The following ASIC2 variants were observed in gnomAD, a reference collection of about 807,000 sequenced individuals.
ASIC2 encodes acid sensing ion channel subunit 2.
ASIC2 carries 25 observed loss-of-function variants against 57.3 expected under a neutral mutation model. The observed-to-expected ratio is 0.44, with a 90% CI of 0.32 to 0.61. ASIC2 has a LOEUF of 0.61. ASIC2 is among the 20% of genes least tolerant of loss of function. ASIC2 has a pLI of 0.06. For missense variants in ASIC2, 641 were observed against 738.1 expected, an observed-to-expected ratio of 0.87 and a Z score of 1.52; for synonymous variants, 319 against 307.5, an observed-to-expected ratio of 1.04 and a Z score of -0.39.
intron 1 of ASIC2, among the ~76,000 whole-genome samples, chr17:33,520,028 A>G (rs576824363): frequency 3.3e-5 from 5 of 152,336 alleles, no homozygotes; most frequent in African/African-American, 1.2e-4. Context: ...TTAAACATTC[A>G]TGTGTTAATT....
intron 1 of ASIC2, among the ~76,000 whole-genome samples, chr17:33,568,266 A>G (rs895413176): frequency 3.9e-5 from 6 of 152,198 alleles, no homozygotes; most frequent in Non-Finnish European, 1.5e-5. Flanking sequence ...TGTCAAATTG[A>G]CCAATCAATC....
chr17:33,912,220 G>A (rs1006286236), intron 1 of ASIC2, among the ~76,000 whole-genome samples: 3 of 150,044 alleles, frequency 2.0e-5, no homozygotes, highest in Admixed American at 6.7e-5. Context: ...CTGGCAGGAT[G>A]TGGTGGCTCA....
chr17:33,458,438 G>C (rs1314884123), intron 1 of ASIC2, among the ~76,000 whole-genome samples: 1 of 151,634 alleles, frequency 6.6e-6, no homozygotes, highest in Non-Finnish European at 1.5e-5. Flanking sequence ...TGTTTGACTG[G>C]GGAGCCAGGA....
intron 1 of ASIC2, among the ~76,000 whole-genome samples, chr17:33,989,545 G>A (rs534136361): frequency 6.2e-4 from 94 of 152,240 alleles, no homozygotes; most frequent in Admixed American, 1.6e-3. Flanking sequence ...TGGTAGGCAC[G>A]CCTTGGTCCC....
chr17:33,038,847 A>C (rs2091919681), intron 3 of ASIC2, among the ~76,000 whole-genome samples: 1 of 150,904 alleles, frequency 6.6e-6, no homozygotes, highest in South Asian at 2.1e-4. Flanking sequence ...ATCCTAAGGC[A>C]CACCAGTAGG....
At position 34,017,693 on chromosome 17, in the gene ASIC2, G is replaced by A. The variant is rs75350565; in HGVS notation, c.555+138285C>T. Among the ~76,000 whole-genome samples, 891 of 152,312 alleles carry A rather than the reference G, an allele frequency of 5.8e-3. 11 individuals carry two copies. The highest frequency in any genetic ancestry group is 0.02 in the African/African-American group (825 of 41,560). ...TGTTGCTGATATTCAGAAAGTTTTG[G>A]TGGTCTGGATAGAAAATCAAACCAG... On this transcript the variant is annotated intron_variant, in intron 1 of 9. Coordinates refer to the ASIC2 transcript ENST00000359872.
At chr17:33,915,172 C>T (rs938238935) in intron 1 of ASIC2, among the ~76,000 whole-genome samples, 1 of 152,156 alleles carries the variant, frequency 6.6e-6, no homozygotes, top group African/African-American at 2.4e-5. Context: ...GGTGACAAGA[C>T]CAATAATCCA....
intron 1 of ASIC2, among the ~76,000 whole-genome samples, chr17:33,968,760 C>T (rs1468150119): frequency 2.0e-5 from 3 of 152,134 alleles, no homozygotes; most frequent in African/African-American, 7.2e-5. Context: ...CAGGAAACCC[C>T]AATCATCAAA....
chr17:33,549,133 G>A (rs928548867), intron 1 of ASIC2, among the ~76,000 whole-genome samples: 2 of 152,088 alleles, frequency 1.3e-5, no homozygotes, highest in African/African-American at 4.8e-5. Flanking sequence ...CTAGAACAGT[G>A]CCCGGGACAT....
At chr17:33,841,428 T>C (rs1257293693) in intron 1 of ASIC2, among the ~76,000 whole-genome samples, 1 of 152,242 alleles carries the variant, frequency 6.6e-6, no homozygotes. Context: ...CTGGAGGCTA[T>C]TAGCCACCTG....
chr17:33,582,014 A>G (rs1424353606), intron 1 of ASIC2, among the ~76,000 whole-genome samples: 2 of 152,150 alleles, frequency 1.3e-5, no homozygotes, highest in African/African-American at 4.8e-5. Flanking sequence ...TTTTTCCTGG[A>G]TTCAGCACCA....
chr17:33,560,458 A>G (rs772645911), intron 1 of ASIC2, among the ~76,000 whole-genome samples: 2 of 152,230 alleles, frequency 1.3e-5, no homozygotes, highest in Non-Finnish European at 2.9e-5. Context: ...GATAAGGAAA[A>G]TTGGCATTTA....
chr17:33,974,372 G>GTGTA (rs377134282), intron 1 of ASIC2, among the ~76,000 whole-genome samples: 5 of 152,254 alleles, frequency 3.3e-5, no homozygotes, highest in African/African-American at 9.6e-5. Context: ...GCTTATGTGT[G>GTGTA]TGTATGTATG....
chr17:33,449,180 G>GTCCC, intron 1 of ASIC2, among the ~76,000 whole-genome samples: 1 of 152,302 alleles, frequency 6.6e-6, no homozygotes, highest in East Asian at 1.9e-4. Flanking sequence ...AACTATCACT[G>GTCCC]TATCTATGTC....
intron 1 of ASIC2, among the ~76,000 whole-genome samples, chr17:33,600,017 C>T (rs560238610): frequency 6.6e-6 from 1 of 152,288 alleles, no homozygotes; most frequent in African/African-American, 2.4e-5. Flanking sequence ...TTCACTGCTG[C>T]CATCTTGTCC....
intron 1 of ASIC2, chr17:34,038,056 C>T (rs1051572287): frequency 5.0e-6 from 8 of 1,613,230 alleles, no homozygotes; most frequent in Admixed American, 1.7e-5. Flanking sequence ...CCATGCCATC[C>T]ACTGAATTGT....
chr17:33,732,498 A>G (rs990141880), intron 1 of ASIC2, among the ~76,000 whole-genome samples: 4 of 145,484 alleles, frequency 2.7e-5, no homozygotes, highest in Non-Finnish European at 5.9e-5. Flanking sequence ...GGCGCTAAGG[A>G]AATTCTTTTT....
At chr17:33,175,537 T>C (rs200222998) in intron 1 of ASIC2, among the ~76,000 whole-genome samples, 5 of 149,178 alleles carry the variant, frequency 3.4e-5, no homozygotes, top group East Asian at 2.0e-4. Context: ...ACTTTTTTTT[T>C]CCAACCAGAA....
chr17:33,733,426 T>A (rs1452174441), intron 1 of ASIC2, among the ~76,000 whole-genome samples: 1 of 152,198 alleles, frequency 6.6e-6, no homozygotes, highest in Non-Finnish European at 1.5e-5. Flanking sequence ...AAGTTCCATG[T>A]CCTGAAAAAC....
Sources: allele counts gnomAD v4.1 joint callset (sites outside exome capture counted in the v4.1 genomes callset), GRCh38; gene constraint gnomAD v4.1.1; transcripts MANE v1.5; gene names NCBI Gene and HGNC (gene_info 2026-07-23, HGNC 2026-07-21).